The following COPA variants were observed in gnomAD, a reference collection of about 807,000 sequenced individuals.
The protein encoded by COPA is coat protein complex I subunit alpha.
A neutral mutation model predicts 158.7 loss-of-function variants in COPA; 10 were observed. That is an observed-to-expected ratio of 0.06 (90% CI 0.04 to 0.11). The LOEUF (loss-of-function observed/expected upper bound fraction) is 0.11. Ranked by LOEUF, COPA falls within the 10% of genes least tolerant of loss-of-function variation. The pLI is 1.00. For synonymous variants in COPA, 462 were observed against 542.8 expected (o/e 0.85, Z 2.07); for missense variants, 1,065 against 1,536.7 (o/e 0.69, Z 5.13).
chr1:160,318,124 T>A (rs954816794), intron 8 of COPA, among the ~76,000 whole-genome samples: 2 of 152,162 alleles, frequency 1.3e-5, no homozygotes, highest in Admixed American at 1.3e-4. Flanking sequence ...ACTGAAACTG[T>A]GGAAAAATGA....
At chr1:160,311,362 C>G (rs2101843626) in intron 11 of COPA, among the ~76,000 whole-genome samples, 1 of 152,004 alleles carries the variant, frequency 6.6e-6, no homozygotes, top group Non-Finnish European at 1.5e-5. Flanking sequence ...TGCTTGAACC[C>G]AGGAGGTGGA....
At position 160,310,206 on chromosome 1, in the gene COPA, C is replaced by G. The variant is rs762692575; in HGVS notation, c.1129G>C (p.Val377Leu). The change falls in exon 12 of 33, where the codon GTC becomes CTC. Residue 377 changes from valine (V) to leucine (L), a missense_variant. Coordinates refer to ENST00000241704, the MANE Select transcript of COPA (RefSeq NM_004371.4). ...NMSYNPAENA[V>L]LLCTRASNLE... Reference sequence around the variant, plus strand: ...AGGTTACTTACTGTACAAAGCAGGACTGCATTTTCTGCTGGATTGTATGAC... The same window carrying G: ...AGGTTACTTACTGTACAAAGCAGGAGTGCATTTTCTGCTGGATTGTATGAC... The G allele has an allele frequency of 9.4e-6, 15 of 1,599,176 alleles. No individual in the cohort carries two copies. Among genetic ancestry groups the G allele is most frequent in the Non-Finnish European group, 1.1e-5 (13 of 1,172,744 alleles).
chr1:160,335,654 C>T (rs565578559), intron 3 of COPA, among the ~76,000 whole-genome samples: 4 of 151,862 alleles, frequency 2.6e-5, no homozygotes, highest in Admixed American at 6.5e-5. Context: ...GAGGTCGAGG[C>T]GGGTGGATCA....
chr1:160,290,297 A>C, intron 32 of COPA, 81 bp from the exon 33 acceptor site: 1 of 1,503,924 alleles, frequency 6.6e-7, no homozygotes, highest in Non-Finnish European at 9.2e-7. Context: ...ATACCCCTCA[A>C]TGGGCACAGT....
At chr1:160,323,314 T>C (rs1659387592) in intron 8 of COPA, 117 bp downstream of exon 8, 1 of 548,164 alleles carries the variant, frequency 1.8e-6, no homozygotes, top group African/African-American at 1.9e-5. Flanking sequence ...CTCCTGGGAT[T>C]AGCATTAATT....
chr1:160,342,852 G>C (rs1277146954), intron 1 of COPA, among the ~76,000 whole-genome samples: 6 of 152,140 alleles, frequency 3.9e-5, no homozygotes, highest in African/African-American at 1.4e-4. Context: ...CGGGAGCACA[G>C]CCAAGAGAGA....
intron 10 of COPA, 25 bp downstream of exon 10, chr1:160,313,060 A>G: frequency 1.2e-6 from 2 of 1,602,870 alleles, no homozygotes; most frequent in Non-Finnish European, 1.7e-6. Context: ...TTAAGCAAAG[A>G]AAAAAGAGAG....
At chr1:160,331,378 C>CACATGTCTGTAGGGGCTAGACATTACAG (rs1647506682) in intron 6 of COPA, among the ~76,000 whole-genome samples, 1 of 152,106 alleles carries the variant, frequency 6.6e-6, no homozygotes, top group Admixed American at 6.5e-5. Context: ...CTGGGCTAGG[C>CACATGTCTGTAGGGGCTAGACATTACAG]ACAGGGGCTC....
At chr1:160,295,637 G>GA in intron 23 of COPA, 99 bp downstream of exon 23, 2 of 1,249,590 alleles carry the variant, frequency 1.6e-6, no homozygotes, top group Non-Finnish European at 1.1e-6. Context: ...GCTCCATGCA[G>GA]AAAAAAAGGA....
At chr1:160,298,023 CAA>C (rs541581539) in intron 19 of COPA, among the ~76,000 whole-genome samples, 1 of 151,294 alleles carries the variant, frequency 6.6e-6, no homozygotes, top group Non-Finnish European at 1.5e-5. Context: ...ACTAAAAATA[CAA>C]AAAAAATTAG....
rs1490933773 is a variant in COPA at position 160,292,762 on chromosome 1, T to C, written c.2824-142A>G. On this transcript the variant is annotated intron_variant, in intron 27 of 32. Coordinates refer to ENST00000241704, the MANE Select transcript of COPA (RefSeq NM_004371.4). ...TTGTAAGACCTACCTCATTTAATGA[T>C]ACCTATTAAAGTATTTAGGATAGTG... 4 of 651,174 alleles carry C rather than the reference T, an allele frequency of 6.1e-6. No individual in the cohort carries two copies. The African/African-American group carries it at 7.3e-5, about 12-fold the overall frequency. The allele number at this position is 651,174 out of a possible 1,614,324, so 40.3% of individuals were successfully genotyped here.
chr1:160,337,754 A>G (rs1647844241), intron 3 of COPA, among the ~76,000 whole-genome samples: 1 of 151,406 alleles, frequency 6.6e-6, no homozygotes, highest in Non-Finnish European at 1.5e-5. Flanking sequence ...ACAAACAAAA[A>G]ACAAACCAAA....
chr1:160,298,082 G>A (rs571438296), intron 19 of COPA, among the ~76,000 whole-genome samples: 3 of 152,082 alleles, frequency 2.0e-5, no homozygotes, highest in Admixed American at 1.3e-4. Flanking sequence ...TCGGGAAGCT[G>A]AGGCAGGAGA....
intron 7 of COPA, among the ~76,000 whole-genome samples, chr1:160,324,989 G>A (rs759387055): frequency 4.0e-5 from 6 of 151,884 alleles, no homozygotes; most frequent in Non-Finnish European, 5.9e-5. Flanking sequence ...GAGTCAGATC[G>A]AAATTCAAAT....
At position 160,291,847 on chromosome 1, in the gene COPA, G is replaced by A. The variant is rs1469049589; in HGVS notation, c.3230C>T (p.Thr1077Ile). Residue 1077 changes from threonine (T) to isoleucine (I), a missense_variant, in exon 30 of 33, where the codon ACT becomes ATT. Thr to Ile is a moderately conservative substitution (Grantham distance 89). Coordinates refer to ENST00000241704, the MANE Select transcript of COPA (RefSeq NM_004371.4). The stretch of plus-strand genomic sequence containing the variant: ...ACAGATGCGCTTCTGCTGTTCTAGA[G>A]TCTCTTTGGGCAGCTTCTTCCTTTC... ...ETERKKLPKE[T>I]LEQQKRICEM... 6.2e-7 allele frequency: 1 copy of A among 1,614,116 alleles called. No homozygotes were observed. Among genetic ancestry groups the A allele is most frequent in the Middle Eastern group, 1.6e-4 (1 of 6,062 alleles).
intron 8 of COPA, among the ~76,000 whole-genome samples, chr1:160,318,766 C>T (rs2101853990): frequency 6.6e-6 from 1 of 151,868 alleles, no homozygotes; most frequent in South Asian, 2.1e-4. Context: ...TGTTTTTGTT[C>T]TTGTGTTTGT....
In COPA at chr1:160,314,011, C is replaced by T. The variant is rs1292754877; in HGVS notation, c.821G>A (p.Arg274Gln). The change falls in exon 9 of 33, where the codon CGA (arginine) becomes CAA (glutamine). Residue 274 changes from arginine (R) to glutamine (Q), a missense_variant. Around this residue, in one of 2 missense-constraint regions of COPA, gnomAD observed 980 missense variants for 1,357.8 expected, o/e 0.72. Coordinates refer to ENST00000241704, the MANE Select transcript of COPA (RefSeq NM_004371.4). ...TTACCGCTTAGACATATCCCAGACT[C>T]GAATACTCTTGTCCTCAGAATTGCT... ...ILSNSEDKSI[R>Q]VWDMSKRTGV... The T allele has an allele frequency of 1.2e-6, 2 of 1,613,460 alleles. No homozygotes were observed. The highest frequency in any genetic ancestry group is 1.7e-6 in the Non-Finnish European group (2 of 1,179,804).
Position 160,313,146 on chromosome 1 carries a change from G to A in COPA, c.864C>T (p.Arg288=). 1.2e-6 allele frequency: 2 copies of A among 1,614,112 alleles called. No individual in the cohort carries two copies. Among genetic ancestry groups the A allele is most frequent in the East Asian group, 4.5e-5 (2 of 44,880 alleles). The change falls in exon 10 of 33, where the codon CGC becomes CGT. Residue 288 remains arginine, a synonymous_variant. Coordinates refer to ENST00000241704, the MANE Select transcript of COPA (RefSeq NM_004371.4). ...GGACCCAGAAACGATCATGGTCTCT[G>A]CGGAAAGTCTGAACCCCAGTCCTAG... is the stretch of plus-strand genomic sequence containing the variant. ...MSKRTGVQTF[R]RDHDRFWVLA...
chr1:160,317,410 C>G (rs993739940), intron 8 of COPA: 2 of 1,607,238 alleles, frequency 1.2e-6, no homozygotes, highest in African/African-American at 2.7e-5. Context: ...CATGTCTGAC[C>G]AGGAGGCAAA....
Sources: gnomAD v4.1 joint callset for allele counts (sites outside exome capture counted in the v4.1 genomes callset) on GRCh38, gnomAD v4.1.1 for gene constraint, gnomAD v4.1.1 regional missense constraint, MANE v1.5 for transcripts, NCBI Gene and HGNC (gene_info 2026-07-23, HGNC 2026-07-21) for gene names.